SLX4IP: variants seen among roughly 807,000 people sequenced by gnomAD.
SLX4IP encodes protein SLX4IP.
A neutral mutation model predicts 32.9 loss-of-function variants in SLX4IP; 34 were observed. The observed-to-expected ratio is 1.03, with a 90% CI of 0.79 to 1.38. The LOEUF (loss-of-function observed/expected upper bound fraction) is 1.38, where lower values mean the gene tolerates loss of function less well. Ranked by LOEUF, SLX4IP falls within the 40% of genes most tolerant of loss-of-function variation. The probability of loss-of-function intolerance (pLI) is 0.00; values close to 1 mark genes in which losing one functional copy is unlikely to be tolerated. For synonymous variants in SLX4IP, 172 were observed against 171.7 expected, an observed-to-expected ratio of 1.00 and a Z score of -0.01; for missense variants, 444 against 479.0, an observed-to-expected ratio of 0.93 and a Z score of 0.68.
chr20:10,586,613 AGTAATTT>A (rs2066648244), intron 4 of SLX4IP, among the ~76,000 whole-genome samples: 1 of 152,180 alleles, frequency 6.6e-6, no homozygotes, highest in African/African-American at 2.4e-5. Context: ...ATAGGTATGC[AGTAATTT>A]GTGATAAAGA....
intron 1 of SLX4IP, among the ~76,000 whole-genome samples, chr20:10,454,218 C>G (rs905465694): frequency 5.3e-5 from 8 of 152,136 alleles, no homozygotes; most frequent in Non-Finnish European, 1.0e-4. Flanking sequence ...TGACTAGAAT[C>G]TCTGCATATG....
In SLX4IP at chr20:10,625,138, GA is replaced by G. The variant is rs144206808; in HGVS notation, c.*1762del. Reference sequence around the variant, plus strand: ...CAATAGGGGTGGGCTGCACAGAGTGGAAACCGAGTACCTGGTAGAATGTGCA... The same window carrying G: ...CAATAGGGGTGGGCTGCACAGAGTGGAACCGAGTACCTGGTAGAATGTGCA... On this transcript the variant is annotated 3_prime_UTR_variant, in exon 8 of 8. Transcript: ENST00000334534. The G allele has an allele frequency of 0.024, 3,650 of 152,396 alleles. 99 individuals are homozygous for G. Among genetic ancestry groups the G allele is most frequent in the Admixed American group, 0.088 (1,344 of 15,300 alleles). 9.4% of individuals were successfully genotyped at this position (152,396 alleles called of 1,614,324 possible). A position where few individuals can be genotyped will look rare whatever the true frequency, so the allele number is the denominator to read the frequency against.
intron 4 of SLX4IP, among the ~76,000 whole-genome samples, chr20:10,562,153 ATCTAC>A (rs771455471): frequency 1.7e-3 from 263 of 152,098 alleles, no homozygotes; most frequent in Non-Finnish European, 2.8e-3. Context: ...GGTTGCGTTA[ATCTAC>A]TCGATTAGGC....
At chr20:10,484,324 T>G (rs867805658) in intron 2 of SLX4IP, among the ~76,000 whole-genome samples, 15 of 152,154 alleles carry the variant, frequency 9.9e-5, no homozygotes, top group African/African-American at 3.6e-4. Context: ...ATAGATACAT[T>G]GTCAGTGAAG....
At chr20:10,488,591 C>T (rs2065593616) in intron 2 of SLX4IP, among the ~76,000 whole-genome samples, 3 of 152,214 alleles carry the variant, frequency 2.0e-5, no homozygotes, top group South Asian at 4.1e-4. Flanking sequence ...GCTGAGCAAG[C>T]CTCTCAGTCT....
rs755284552 is a variant in SLX4IP at position 10,622,676 on chromosome 20, C to G, written c.524C>G (p.Thr175Arg). The G allele has an allele frequency of 6.2e-7, 1 of 1,608,324 alleles. No individual in the cohort carries two copies. The highest frequency in any genetic ancestry group is 1.1e-5 in the South Asian group (1 of 90,938). ...ALKEIVKRTETKSSVTSKSQT... is the reference protein window; with the variant it reads ...ALKEIVKRTERKSSVTSKSQT... ...TGTTTCAGTGTGAAAAGAACTGAAA[C>G]AAAAAGCAGTGTCACGAGCAAATCG... Residue 175 changes from threonine (T) to arginine (R), a missense_variant, in exon 8 of 8, where the codon ACA becomes AGA. Coordinates refer to ENST00000334534, the MANE Select transcript of SLX4IP (RefSeq NM_001009608.3).
At chr20:10,482,444 T>C (rs1400196225) in intron 2 of SLX4IP, among the ~76,000 whole-genome samples, 9 of 152,228 alleles carry the variant, frequency 5.9e-5, no homozygotes, top group African/African-American at 2.2e-4. Context: ...TTGATTTTTC[T>C]TCAAGCTAAG....
At chr20:10,475,670 G>A (rs1317682796) in intron 2 of SLX4IP, among the ~76,000 whole-genome samples, 2 of 152,202 alleles carry the variant, frequency 1.3e-5, no homozygotes, top group African/African-American at 4.8e-5. Flanking sequence ...CACCTCCCAA[G>A]TGACATATCC....
chr20:10,590,090 C>T (rs2066689487), intron 4 of SLX4IP, among the ~76,000 whole-genome samples: 1 of 152,034 alleles, frequency 6.6e-6, no homozygotes, highest in Non-Finnish European at 1.5e-5. Flanking sequence ...ACACAATAGG[C>T]ACTCGGTACA....
intron 2 of SLX4IP, among the ~76,000 whole-genome samples, chr20:10,555,712 A>G (rs2066259562): frequency 6.6e-6 from 1 of 152,194 alleles, no homozygotes; most frequent in South Asian, 2.1e-4. Flanking sequence ...TTCAGTATGT[A>G]TCTTTATCTT....
chr20:10,617,296 C>T (rs1455326697), intron 6 of SLX4IP, among the ~76,000 whole-genome samples: 1 of 152,204 alleles, frequency 6.6e-6, no homozygotes, highest in African/African-American at 2.4e-5. Flanking sequence ...CGCCCCATCC[C>T]AGATCTTGTG....
chr20:10,510,697 C>T (rs1047182931), intron 2 of SLX4IP, among the ~76,000 whole-genome samples: 3 of 151,952 alleles, frequency 2.0e-5, no homozygotes, highest in East Asian at 3.9e-4. Context: ...CTCCACCTCC[C>T]GGGTTCAAGT....
At chr20:10,570,219 A>G (rs546313126) in intron 4 of SLX4IP, among the ~76,000 whole-genome samples, 78 of 152,088 alleles carry the variant, frequency 5.1e-4, no homozygotes, top group South Asian at 1.5e-3. Flanking sequence ...CAACTGCCCC[A>G]CCTTTACTCT....
chr20:10,543,438 A>G (rs2066129926), intron 2 of SLX4IP, among the ~76,000 whole-genome samples: 1 of 152,220 alleles, frequency 6.6e-6, no homozygotes, highest in Non-Finnish European at 1.5e-5. Flanking sequence ...CAAAAAGACT[A>G]GGAGCTCTCA....
At chr20:10,512,775 A>ACTCT (rs1295820990) in intron 2 of SLX4IP, among the ~76,000 whole-genome samples, 8 of 24,908 alleles carry the variant, frequency 3.2e-4, no homozygotes, top group Admixed American at 1.1e-3. Context: ...ACACACACAC[A>ACTCT]CTCTATATAT....
intron 2 of SLX4IP, among the ~76,000 whole-genome samples, chr20:10,518,075 C>T (rs1233089285): frequency 1.3e-5 from 2 of 152,122 alleles, no homozygotes; most frequent in Admixed American, 1.3e-4. Context: ...GGCCTAACAC[C>T]TAGGTGTTGG....
At chr20:10,556,619 A>G (rs1048538136) in intron 3 of SLX4IP, among the ~76,000 whole-genome samples, 1 of 152,212 alleles carries the variant, frequency 6.6e-6, no homozygotes, top group Non-Finnish European at 1.5e-5. Flanking sequence ...AGAAGAAGTT[A>G]AAGTGACTAT....
chr20:10,612,134 A>G (rs561145333), intron 6 of SLX4IP, among the ~76,000 whole-genome samples: 24 of 152,314 alleles, frequency 1.6e-4, no homozygotes, highest in African/African-American at 5.8e-4. Flanking sequence ...TTCTTCATGA[A>G]TACAAGGCAC....
rs111922832 is a variant in SLX4IP, at chr20:10,531,628, A to C, written c.28-24603A>C. Reference sequence around the variant, plus strand: ...GTCAGGGGTTAGACAGACACTGCACAAAGAAAGAAACAAGACAATTTCAGA... The same window carrying C: ...GTCAGGGGTTAGACAGACACTGCACCAAGAAAGAAACAAGACAATTTCAGA... On this transcript the variant is annotated intron_variant, in intron 2 of 7. Coordinates refer to ENST00000334534, the MANE Select transcript of SLX4IP (RefSeq NM_001009608.3). Among the ~76,000 whole-genome samples, 580 of 152,382 alleles carry C rather than the reference A, an allele frequency of 3.8e-3. 6 individuals carry two copies. The highest frequency in any genetic ancestry group is 0.013 in the African/African-American group (548 of 41,592).
Sources: allele counts gnomAD v4.1 joint callset (sites outside exome capture counted in the v4.1 genomes callset), GRCh38; gene constraint gnomAD v4.1.1; transcripts MANE v1.5; gene names NCBI Gene and HGNC (gene_info 2026-07-23, HGNC 2026-07-21).